The following DSCAM variants were observed in gnomAD, a reference collection of about 807,000 sequenced individuals.
DSCAM encodes DS cell adhesion molecule, also known as cell adhesion molecule DSCAM.
A neutral mutation model predicts 217.7 loss-of-function variants in DSCAM; 47 were observed. The ratio of observed to expected loss-of-function variants is 0.22; its 90% confidence interval spans 0.17 to 0.28. DSCAM has a LOEUF of 0.28. Ranked by LOEUF, DSCAM falls within the 10% of genes least tolerant of loss-of-function variation. The probability of loss-of-function intolerance (pLI) is 1.00; values close to 1 mark genes in which losing one functional copy is unlikely to be tolerated. For synonymous variants in DSCAM, 1,056 were observed against 1,015.3 expected (o/e 1.04, Z -0.76); for missense variants, 2,080 against 2,618.3 (o/e 0.79, Z 4.49).
At chr21:40,415,714 G>A (rs1205724617) in intron 3 of DSCAM, among the ~76,000 whole-genome samples, 6 of 152,244 alleles carry the variant, frequency 3.9e-5, no homozygotes, top group African/African-American at 1.2e-4. Context: ...TAATTGCTGT[G>A]AGGCACCATT....
In DSCAM at chr21:40,771,935, G is replaced by A. The variant is rs570317281; in HGVS notation, c.44-63164C>T. Among the ~76,000 whole-genome samples the A allele has an allele frequency of 3.3e-4, 50 of 152,300 alleles. No homozygotes were observed. In the South Asian group the frequency reaches 0.01, roughly 32 times the overall value. ...GAAAATGGAGACTGGAGTTTATGAT[G>A]TAATCTTTATGCGAATTTTATTATT... On this transcript the variant is annotated intron_variant, in intron 1 of 32. Coordinates refer to ENST00000400454, the MANE Select transcript of DSCAM (RefSeq NM_001389.5).
At chr21:40,832,359 C>T (rs958403040) in intron 1 of DSCAM, among the ~76,000 whole-genome samples, 1 of 152,172 alleles carries the variant, frequency 6.6e-6, no homozygotes, top group Non-Finnish European at 1.5e-5. Context: ...CCAATACATA[C>T]GAGTTTCCTT....
At chr21:40,616,132 A>G (rs562041318) in intron 3 of DSCAM, among the ~76,000 whole-genome samples, 133 of 152,284 alleles carry the variant, frequency 8.7e-4, no homozygotes, top group African/African-American at 3.1e-3. Context: ...TGACTTTAGC[A>G]GAAAGGGCTT....
intron 3 of DSCAM, among the ~76,000 whole-genome samples, chr21:40,664,883 T>C (rs777409119): frequency 5.3e-5 from 8 of 152,202 alleles, no homozygotes; most frequent in Non-Finnish European, 8.8e-5. Flanking sequence ...GACCAGGTCC[T>C]GGAGGTGGAC....
intron 3 of DSCAM, among the ~76,000 whole-genome samples, chr21:40,577,169 T>G (rs1254999657): frequency 1.3e-5 from 2 of 151,576 alleles, no homozygotes; most frequent in East Asian, 3.9e-4. Context: ...TATTTATGTA[T>G]TATATATTCA....
At chr21:40,405,765 G>A (rs1180316524) in intron 3 of DSCAM, among the ~76,000 whole-genome samples, 3 of 152,192 alleles carry the variant, frequency 2.0e-5, no homozygotes, top group Middle Eastern at 6.3e-3. Flanking sequence ...GAAAGGCCAA[G>A]GCAGGTGGAT....
At chr21:40,428,271 TG>T (rs2075496219) in intron 3 of DSCAM, among the ~76,000 whole-genome samples, 10 of 149,212 alleles carry the variant, frequency 6.7e-5, no homozygotes, top group Non-Finnish European at 4.5e-5. Context: ...TGTGTGTGTG[TG>T]TGTGTGTGTG....
intron 3 of DSCAM, among the ~76,000 whole-genome samples, chr21:40,611,847 G>A (rs1245081143): frequency 8.8e-6 from 1 of 113,452 alleles, no homozygotes; most frequent in African/African-American, 3.2e-5. Context: ...CTAAGACAGG[G>A]AAGCTTGACT....
intron 3 of DSCAM, chr21:40,630,550 C>T (rs11702781): frequency 0.098 from 14,962 of 152,284 alleles, 820 homozygotes; most frequent in Middle Eastern, 0.13. Context: ...TCTCCCTCCT[C>T]GGCCTCCCAG....
intron 1 of DSCAM, among the ~76,000 whole-genome samples, chr21:40,794,437 C>T (rs1418005168): frequency 6.6e-6 from 1 of 151,476 alleles, no homozygotes; most frequent in Non-Finnish European, 1.5e-5. Flanking sequence ...CAGGCAACAT[C>T]AGTTTAAATC....
At chr21:40,556,324 A>G (rs781573327) in intron 3 of DSCAM, among the ~76,000 whole-genome samples, 1 of 152,210 alleles carries the variant, frequency 6.6e-6, no homozygotes, top group African/African-American at 2.4e-5. Flanking sequence ...ACTGATAACA[A>G]AAACAGGCAA....
chr21:40,691,913 G>T (rs893005968), intron 3 of DSCAM, among the ~76,000 whole-genome samples: 1 of 152,212 alleles, frequency 6.6e-6, no homozygotes, highest in Non-Finnish European at 1.5e-5. Context: ...GTCACCGTGA[G>T]GGTTTAGTTC....
At chr21:40,329,766 A>G (rs9975677) in intron 8 of DSCAM, among the ~76,000 whole-genome samples, 39,113 of 152,040 alleles carry the variant, frequency 0.26, 5,940 homozygotes, top group South Asian at 0.42. Flanking sequence ...GGAGAACATT[A>G]TATTAAGTGA....
chr21:40,025,811 T>A (rs1267368039), intron 32 of DSCAM, among the ~76,000 whole-genome samples: 1 of 150,848 alleles, frequency 6.6e-6, no homozygotes, highest in Non-Finnish European at 1.5e-5. Flanking sequence ...GTTGATCCTT[T>A]CAAAAAACCA....
intron 3 of DSCAM, among the ~76,000 whole-genome samples, chr21:40,561,131 T>C (rs2076717234): frequency 6.6e-6 from 1 of 152,178 alleles, no homozygotes; most frequent in African/African-American, 2.4e-5. Flanking sequence ...CATAGTGTAT[T>C]TGGTAAGAGC....
intron 15 of DSCAM, among the ~76,000 whole-genome samples, chr21:40,178,666 C>G (rs994338913): frequency 1.3e-5 from 2 of 152,176 alleles, no homozygotes; most frequent in African/African-American, 4.8e-5. Flanking sequence ...TTGAATCTCA[C>G]CAGATTGTTA....
chr21:40,779,033 A>G (rs928285711), intron 1 of DSCAM, among the ~76,000 whole-genome samples: 15 of 27,410 alleles, frequency 5.5e-4, no homozygotes, highest in African/African-American at 1.7e-3. Context: ...TCAAAAACAG[A>G]AAAAAAAAAA....
chr21:40,690,796 A>G (rs1480344588), intron 3 of DSCAM, among the ~76,000 whole-genome samples: 1 of 152,244 alleles, frequency 6.6e-6, no homozygotes, highest in African/African-American at 2.4e-5. Context: ...TAAAAACAAA[A>G]GAACACACGT....
At chr21:40,609,504 G>T (rs577643952) in intron 3 of DSCAM, among the ~76,000 whole-genome samples, 63 of 152,126 alleles carry the variant, frequency 4.1e-4, no homozygotes, top group Admixed American at 9.2e-4. Flanking sequence ...CCTGGGCTAG[G>T]GTTATTTATG....
Sources: gnomAD v4.1 joint callset for allele counts (sites outside exome capture counted in the v4.1 genomes callset) on GRCh38, gnomAD v4.1.1 for gene constraint, MANE v1.5 for transcripts, NCBI Gene and HGNC (gene_info 2026-07-23, HGNC 2026-07-21) for gene names.